Variants in ACTR3C observed in about 807,000 individuals in gnomAD.
ACTR3C encodes actin related protein 3C.
Under a neutral mutation model 26.3 loss-of-function variants are expected in ACTR3C, and 18 were observed. That is an observed-to-expected ratio of 0.68 (90% confidence interval 0.47 to 1.01). The LOEUF (loss-of-function observed/expected upper bound fraction) is 1.01. Among genes scored for constraint, ACTR3C ranks in the 50% least tolerant of loss-of-function variants. ACTR3C has a pLI of 0.00. For missense variants in ACTR3C, 184 were observed against 250.7 expected (o/e 0.73, Z 1.80); for synonymous variants, 55 against 94.5 (o/e 0.58, Z 2.42).
the ACTR3C span, among the ~76,000 whole-genome samples, chr7:150,015,689 A>G: frequency 1.3e-5 from 2 of 152,112 alleles, no homozygotes; most frequent in Non-Finnish European, 2.9e-5. Context: ...TCTCCTACCC[A>G]CATGAATCCC....
downstream of ACTR3C, among the ~76,000 whole-genome samples, chr7:150,239,229 T>C (rs1293163567): frequency 4.0e-5 from 6 of 150,784 alleles, no homozygotes; most frequent in African/African-American, 9.8e-5. Flanking sequence ...CTCAAATGTA[T>C]TCAAACACCT....
chr7:150,137,257 C>G, the ACTR3C span, among the ~76,000 whole-genome samples: 1 of 152,112 alleles, frequency 6.6e-6, no homozygotes. Flanking sequence ...TCCAGCCACC[C>G]TAGGAGTACT....
intron 2 of ACTR3C, among the ~76,000 whole-genome samples, chr7:150,294,088 C>A (rs2531045): frequency 0.24 from 35,937 of 151,878 alleles, 6,847 homozygotes; most frequent in African/African-American, 0.52. Flanking sequence ...TCACTTGTGG[C>A]GTTGTTTAAA....
the ACTR3C span, among the ~76,000 whole-genome samples, chr7:150,121,723 A>G: frequency 6.6e-6 from 1 of 151,138 alleles, no homozygotes; most frequent in East Asian, 1.9e-4. Flanking sequence ...ACAGAATTAG[A>G]AAAAACTACT....
chr7:150,092,648 C>CA, the ACTR3C span, among the ~76,000 whole-genome samples: 2 of 150,448 alleles, frequency 1.3e-5, no homozygotes, highest in Non-Finnish European at 1.5e-5. Flanking sequence ...TGCATGTGTT[C>CA]AGCAGGGTCC....
the ACTR3C span, among the ~76,000 whole-genome samples, chr7:150,094,731 C>T: frequency 2.0e-5 from 3 of 150,698 alleles, 1 homozygote; most frequent in Admixed American, 6.6e-5. Flanking sequence ...GAAAAAAGTC[C>T]CTCACGGAGC....
intron 6 of ACTR3C, among the ~76,000 whole-genome samples, chr7:150,252,738 T>C (rs1323618538): frequency 6.6e-6 from 1 of 151,994 alleles, no homozygotes; most frequent in Non-Finnish European, 1.5e-5. Context: ...GAAGTACCTT[T>C]CTATTAAAAC....
chr7:150,224,441 C>T, the ACTR3C span, among the ~76,000 whole-genome samples: 2 of 152,354 alleles, frequency 1.3e-5, no homozygotes, highest in East Asian at 1.9e-4. Context: ...CTGTGTATAG[C>T]TTTCCTCCAT....
At chr7:149,908,674 A>G in the ACTR3C span, among the ~76,000 whole-genome samples, 17 of 152,320 alleles carry the variant, frequency 1.1e-4, no homozygotes, top group East Asian at 2.5e-3. Context: ...ATCTTATTAG[A>G]GCTACATGTA....
chr7:150,174,939 A>G, the ACTR3C span, among the ~76,000 whole-genome samples: 749 of 145,162 alleles, frequency 5.2e-3, 81 homozygotes, highest in Middle Eastern at 0.024. Flanking sequence ...TGATCAGTAG[A>G]TTCAACCTAA....
chr7:150,294,551 G>A (rs992498587), intron 2 of ACTR3C, among the ~76,000 whole-genome samples: 1 of 152,172 alleles, frequency 6.6e-6, no homozygotes, highest in Non-Finnish European at 1.5e-5. Flanking sequence ...CATAGATTTC[G>A]ACACAGGAAT....
chr7:150,186,324 T>TA, the ACTR3C span, among the ~76,000 whole-genome samples: 2 of 152,190 alleles, frequency 1.3e-5, no homozygotes, highest in Non-Finnish European at 1.5e-5. Context: ...ATCCATTTTT[T>TA]AAAAAAATTC....
chr7:150,319,269 G>A (rs377166983), intron 1 of ACTR3C, among the ~76,000 whole-genome samples: 8 of 150,776 alleles, frequency 5.3e-5, no homozygotes, highest in African/African-American at 1.2e-4. Flanking sequence ...GTCCAATGGC[G>A]TGAGCTTGGC....
intron 6 of ACTR3C, among the ~76,000 whole-genome samples, chr7:150,266,515 G>A (rs1383181045): frequency 1.3e-5 from 2 of 151,832 alleles, no homozygotes; most frequent in Admixed American, 6.6e-5. Flanking sequence ...TAATTTTGTG[G>A]TAGGCAAAAA....
the ACTR3C span, among the ~76,000 whole-genome samples, chr7:150,082,990 G>A: frequency 7.7e-6 from 1 of 130,324 alleles, no homozygotes; most frequent in South Asian, 2.5e-4. Context: ...CTGTCATCCA[G>A]GCTGGAGTGC....
At chr7:150,136,216 C>T in the ACTR3C span, among the ~76,000 whole-genome samples, 1 of 152,194 alleles carries the variant, frequency 6.6e-6, no homozygotes. Context: ...CCCTGGTGTG[C>T]CCAGGTAGAT....
At chr7:150,140,004 TCA>T in the ACTR3C span, among the ~76,000 whole-genome samples, 277 of 151,622 alleles carry the variant, frequency 1.8e-3, 2 homozygotes, top group African/African-American at 6.6e-3. Context: ...GCACACACAT[TCA>T]CACACACATG....
the ACTR3C span, among the ~76,000 whole-genome samples, chr7:149,952,314 C>T: frequency 6.9e-6 from 1 of 144,038 alleles, no homozygotes; most frequent in Non-Finnish European, 1.5e-5. Context: ...CCCCCCATTT[C>T]ATTGACTCTT....
the ACTR3C span, among the ~76,000 whole-genome samples, chr7:150,097,598 C>T: frequency 1.3e-5 from 2 of 151,708 alleles, no homozygotes; most frequent in African/African-American, 4.9e-5. Context: ...GCCCTTTTCT[C>T]CTTTCTTGAA....
Sources: gnomAD v4.1 joint callset for allele counts (sites outside exome capture counted in the v4.1 genomes callset) on GRCh38, gnomAD v4.1.1 for gene constraint, MANE v1.5 for transcripts, NCBI Gene and HGNC (gene_info 2026-07-23, HGNC 2026-07-21) for gene names.